IAH1: variants seen among roughly 807,000 people sequenced by gnomAD.
IAH1 encodes the protein isoamyl acetate hydrolyzing esterase 1 (putative).
A neutral mutation model predicts 26.7 loss-of-function variants in IAH1; 24 were observed. The observed-to-expected ratio is 0.90, with a 90% confidence interval of 0.65 to 1.26. The LOEUF (loss-of-function observed/expected upper bound fraction) is 1.26. Ranked by LOEUF, IAH1 falls within the 50% of genes most tolerant of loss-of-function variation. The pLI is 0.00. For missense variants in IAH1, 300 were observed against 299.9 expected (o/e 1.00, Z 0.00); for synonymous variants, 140 against 118.5 (o/e 1.18, Z -1.18).
chr2:9,487,788 T>TTGTGTGTGTGTGTGTGTG (rs70948823), intron 5 of IAH1, among the ~76,000 whole-genome samples: 18 of 133,962 alleles, frequency 1.3e-4, no homozygotes, highest in African/African-American at 4.4e-4. Context: ...CCCGGCCTTT[T>TTGTGTGTGTGTGTGTGTG]TGTGTGTGTG....
chr2:9,482,609 A>G (rs1661251785), intron 4 of IAH1, among the ~76,000 whole-genome samples: 2 of 152,216 alleles, frequency 1.3e-5, no homozygotes, highest in South Asian at 4.1e-4. Flanking sequence ...CCAGCAACAC[A>G]ACCAGGAATC....
the IAH1 span, among the ~76,000 whole-genome samples, chr2:9,507,365 G>A: frequency 6.6e-6 from 1 of 152,036 alleles, no homozygotes; most frequent in South Asian, 2.1e-4. Flanking sequence ...GGCCAGGTGT[G>A]GTGGCATGCA....
chr2:9,491,062 C>A (rs769997193), downstream of IAH1: 2 of 1,586,478 alleles, frequency 1.3e-6, no homozygotes, highest in East Asian at 4.5e-5. Flanking sequence ...GGGCCTCAGA[C>A]CAGGCGAAGA....
the IAH1 span, among the ~76,000 whole-genome samples, chr2:9,506,541 A>G: frequency 1.3e-5 from 2 of 151,490 alleles, no homozygotes; most frequent in African/African-American, 4.9e-5. Context: ...TAATTTTTGT[A>G]TTTTTTGTAG....
At chr2:9,508,205 T>G in the IAH1 span, among the ~76,000 whole-genome samples, 1 of 152,196 alleles carries the variant, frequency 6.6e-6, no homozygotes, top group Non-Finnish European at 1.5e-5. Flanking sequence ...ACCAACCATA[T>G]GTGGCTACTT....
downstream of IAH1, chr2:9,493,786 A>G (rs780262610): frequency 6.2e-7 from 1 of 1,614,058 alleles, no homozygotes; most frequent in Middle Eastern, 1.7e-4. Flanking sequence ...AAATCCCAAA[A>G]TCGTTCAATT....
chr2:9,495,556 T>C (rs985196269), intron 6 of IAH1, among the ~76,000 whole-genome samples: 15 of 151,480 alleles, frequency 9.9e-5, no homozygotes, highest in African/African-American at 3.2e-4. Flanking sequence ...CTACTAAAAA[T>C]AAAAAAAATT....
chr2:9,475,060 CGCCAGGA>C, intron 1 of IAH1: 30 of 1,187,146 alleles, frequency 2.5e-5, no homozygotes, highest in Non-Finnish European at 3.2e-5. Context: ...CGGGCAGAGG[CGCCAGGA>C]GCTCTCTCGC....
At chr2:9,483,210 G>C (rs188965737) in intron 4 of IAH1, among the ~76,000 whole-genome samples, 313 of 152,288 alleles carry the variant, frequency 2.1e-3, no homozygotes, top group Non-Finnish European at 3.7e-3. Context: ...GCAGGTAGAG[G>C]AGGGGTCACA....
chr2:9,488,246 TCTC>T lies in IAH1; in HGVS notation c.665_667del (p.Ser222del), dbSNP rs1661740920. 6 of 1,613,692 alleles carry T rather than the reference TCTC, an allele frequency of 3.7e-6. No individual in the cohort carries two copies. Among genetic ancestry groups the T allele is most frequent in the East Asian group, 4.5e-5 (2 of 44,856 alleles). ...GCCTTTGATAGAGAAAAAGGTCTCT[TCTC>T]TACCTTTGCTGCTTCCTTACTGGCG... On this transcript the variant is annotated inframe_deletion, in exon 6 of 6. Coordinates refer to ENST00000497473, the MANE Select transcript of IAH1 (RefSeq NM_001039613.3).
Position 9,488,575 on chromosome 2 carries a change from A to G in IAH1, c.*246A>G. On this transcript the variant is annotated 3_prime_UTR_variant, in exon 6 of 6. Transcript: ENST00000497473. ...AGCTTGTTAATTCTATAAATGACAA[A>G]GACTATGTTTTTAAAAAGTCACAAT... The G allele has an allele frequency of 3.0e-6, 1 of 332,654 alleles. No homozygotes were observed. The highest frequency in any genetic ancestry group is 5.4e-6 in the Non-Finnish European group (1 of 186,168). The allele number at this position is 332,654 out of a possible 1,614,324, so 20.6% of individuals were successfully genotyped here. A position where few individuals can be genotyped will look rare whatever the true frequency, so the allele number is the denominator to read the frequency against.
the IAH1 span, among the ~76,000 whole-genome samples, chr2:9,503,563 AGGAGC>A: frequency 2.6e-5 from 4 of 152,202 alleles, no homozygotes; most frequent in African/African-American, 9.6e-5. Flanking sequence ...TTGGGCAGCC[AGGAGC>A]AGTGGCTCAC....
chr2:9,474,539 G>GCCCCCCCCCCC, upstream of IAH1: 4 of 1,315,858 alleles, frequency 3.0e-6, no homozygotes, highest in African/African-American at 2.4e-5. The surrounding 1 kb of genome is among the most constrained non-coding windows in gnomAD (Gnocchi z 4.3). Flanking sequence ...GTGGCTGGCG[G>GCCCCCCCCCCC]CCCCGCCCCG....
At position 9,489,710 on chromosome 2, in the gene IAH1, G is replaced by C. The variant is rs1034868728; in HGVS notation, c.*1381G>C. On this transcript the variant is annotated 3_prime_UTR_variant, in exon 6 of 6. Transcript: ENST00000497473. Reference sequence around the variant, plus strand: ...AATGTATACTAGATTTATCTCCTTTGTTTTTAGTTGAAGGCAAAAAAAAAA... The same window carrying C: ...AATGTATACTAGATTTATCTCCTTTCTTTTTAGTTGAAGGCAAAAAAAAAA... 2 of 60,324 alleles carry C rather than the reference G, an allele frequency of 3.3e-5. No homozygotes were observed. The highest frequency in any genetic ancestry group is 6.3e-5 in the Non-Finnish European group (2 of 31,824). 3.7% of individuals were successfully genotyped at this position (60,324 alleles called of 1,614,324 possible). A position where few individuals can be genotyped will look rare whatever the true frequency, so the allele number is the denominator to read the frequency against.
downstream of IAH1, among the ~76,000 whole-genome samples, chr2:9,499,601 A>C (rs1662879516): frequency 6.6e-6 from 1 of 151,924 alleles, no homozygotes; most frequent in Non-Finnish European, 1.5e-5. Flanking sequence ...ACAGGGTTTC[A>C]CCGTGTTAGC....
chr2:9,490,994 G>T, downstream of IAH1: 2 of 972,488 alleles, frequency 2.1e-6, no homozygotes, highest in South Asian at 3.1e-5. Flanking sequence ...GCTGCAACAT[G>T]ACCTTCCATC....
chr2:9,492,100 G>A (rs1662203663), downstream of IAH1, among the ~76,000 whole-genome samples: 1 of 152,210 alleles, frequency 6.6e-6, no homozygotes, highest in Non-Finnish European at 1.5e-5. Flanking sequence ...AGCAGGAAAG[G>A]AAAGGAAGGA....
intron 4 of IAH1, 140 bp from the exon 5 acceptor site, chr2:9,484,292 T>C (rs905560370): frequency 7.2e-6 from 5 of 692,138 alleles, no homozygotes; most frequent in Admixed American, 2.1e-5. Context: ...CATCAACATA[T>C]ACCCTAAACC....
the IAH1 span, among the ~76,000 whole-genome samples, chr2:9,503,497 A>T: frequency 6.6e-6 from 1 of 152,200 alleles, no homozygotes; most frequent in African/African-American, 2.4e-5. Context: ...CCATAAAAAA[A>T]CCTTGTTAAA....
Sources: gnomAD v4.1 joint callset for allele counts (sites outside exome capture counted in the v4.1 genomes callset) on GRCh38, gnomAD v4.1.1 for gene constraint, Gnocchi (gnomAD v3.1) non-coding constraint, MANE v1.5 for transcripts, NCBI Gene and HGNC (gene_info 2026-07-23, HGNC 2026-07-21) for gene names.